EYA3: variants seen among roughly 807,000 people sequenced by gnomAD.
EYA3 encodes the protein EYA transcriptional coactivator and phosphatase 3.
EYA3 carries 39 observed loss-of-function variants against 80.0 expected under a neutral mutation model. The observed-to-expected ratio is 0.49, with a 90% CI of 0.38 to 0.64. The LOEUF (loss-of-function observed/expected upper bound fraction) is 0.64. Among genes scored for constraint, EYA3 ranks in the 30% least tolerant of loss-of-function variants. The pLI, the probability that EYA3 is intolerant of heterozygous loss-of-function variation, is 0.00. For missense variants in EYA3, 523 were observed against 676.1 expected, an observed-to-expected ratio of 0.77 and a Z score of 2.51; for synonymous variants, 206 against 232.8, an observed-to-expected ratio of 0.88 and a Z score of 1.05.
rs1015008523 is a variant in EYA3 at position 28,001,416 on chromosome 1, T to G, written c.994-1367A>C. On this transcript the variant is annotated intron_variant, in intron 11 of 17. Coordinates refer to ENST00000373871, the MANE Select transcript of EYA3 (RefSeq NM_001990.4). ...TGTTTGTTTATAATGTAAAAAACTG[T>G]TTTTCATGAAATAATATTATGTGTA... is the stretch of plus-strand genomic sequence containing the variant. Among the ~76,000 whole-genome samples, 2 of 151,198 alleles carry G rather than the reference T, an allele frequency of 1.3e-5. 1 individual carries two copies. Among genetic ancestry groups the G allele is most frequent in the Non-Finnish European group, 2.9e-5 (2 of 67,850 alleles).
intron 3 of EYA3, among the ~76,000 whole-genome samples, chr1:28,044,349 G>A (rs1254182680): frequency 3.9e-5 from 6 of 152,146 alleles, no homozygotes; most frequent in South Asian, 2.1e-4. Context: ...ATCCGTCAAC[G>A]AGAATAAAAA....
intron 6 of EYA3, among the ~76,000 whole-genome samples, chr1:28,034,666 A>G (rs1412571089): frequency 6.6e-6 from 1 of 152,242 alleles, no homozygotes; most frequent in Non-Finnish European, 1.5e-5. Context: ...AAGAGTAGCC[A>G]AACAGGTCAG....
chr1:28,008,416 C>G (rs1255650252), intron 10 of EYA3, among the ~76,000 whole-genome samples: 1 of 151,536 alleles, frequency 6.6e-6, no homozygotes, highest in East Asian at 1.9e-4. Context: ...AAAGAAACAA[C>G]AAGTATTAGA....
rs74525723 is a variant in EYA3 at position 28,038,439 on chromosome 1, T to TAAAAAAAAAA, written c.224+390_224+399dup. ...CAACAAACAGAGTGAGATTCTATCT[T>TAAAAAAAAAA]AAAAAAAAAAAAAAAAAAAAAAAAA... On this transcript the variant is annotated intron_variant, in intron 5 of 17. Transcript: ENST00000373871. 6.0e-4 allele frequency among the ~76,000 whole-genome samples: 41 copies of TAAAAAAAAAA among 68,498 alleles called. 2 individuals are homozygous for TAAAAAAAAAA. Among genetic ancestry groups the TAAAAAAAAAA allele is most frequent in the African/African-American group, 2.3e-3 (40 of 17,576 alleles). 44.9% of individuals were successfully genotyped at this position (68,498 alleles called of 152,430 possible).
In EYA3 at chr1:27,977,329, G is replaced by A. The variant is rs371692026; in HGVS notation, c.1641+1045C>T. On this transcript the variant is annotated intron_variant, in intron 17 of 17. Transcript: ENST00000373871. Reference sequence around the variant, plus strand: ...AGGTTTCCACTTAACTGGATGAAGAGTATCAGGGCAGTTGGTTCTAGCTGG... The same window carrying A: ...AGGTTTCCACTTAACTGGATGAAGAATATCAGGGCAGTTGGTTCTAGCTGG... The A allele has an allele frequency of 2.2e-4, 341 of 1,550,558 alleles. No homozygotes were observed. In the African/African-American group the frequency reaches 4.1e-3, roughly 19 times the overall value.
intron 4 of EYA3, among the ~76,000 whole-genome samples, chr1:28,041,724 G>C (rs190176671): frequency 1.2e-3 from 189 of 152,114 alleles, no homozygotes; most frequent in Middle Eastern, 6.8e-3. Flanking sequence ...TGCCCAGGCT[G>C]ATCTCAAACT....
intron 16 of EYA3, among the ~76,000 whole-genome samples, chr1:27,982,565 T>C (rs1253765205): frequency 6.6e-6 from 1 of 152,170 alleles, no homozygotes; most frequent in Non-Finnish European, 1.5e-5. Context: ...TACTGTACAT[T>C]TATCTGTCTG....
chr1:28,012,258 A>G (rs969132465), intron 9 of EYA3, among the ~76,000 whole-genome samples: 3 of 152,244 alleles, frequency 2.0e-5, no homozygotes, highest in Admixed American at 6.5e-5. Flanking sequence ...AAATTCTCCA[A>G]TATTCAAAAG....
intron 1 of EYA3, among the ~76,000 whole-genome samples, chr1:28,073,152 A>T (rs866380177): frequency 0.081 from 1,558 of 19,272 alleles, 42 homozygotes; most frequent in Middle Eastern, 0.14. Context: ...TTTTTTTTTT[A>T]GATAGAGTTT....
At chr1:28,040,287 C>T (rs540219967) in intron 4 of EYA3, among the ~76,000 whole-genome samples, 9 of 152,074 alleles carry the variant, frequency 5.9e-5, no homozygotes, top group Admixed American at 1.3e-4. Context: ...AACAACTAGA[C>T]GGAGAGTGAT....
In EYA3 at chr1:28,015,320, T is replaced by G. The variant is rs113148220; in HGVS notation, c.585+1834A>C. 7.6e-3 allele frequency among the ~76,000 whole-genome samples: 1,164 copies of G among 152,316 alleles called. 9 individuals carry two copies. Among genetic ancestry groups the G allele is most frequent in the Middle Eastern group, 0.051 (15 of 294 alleles). Reference sequence around the variant, plus strand: ...AACAAAGGACCTCTGTAGGCCTGAATGATTGGTAAAGCAATAAGACTTGGA... The same window carrying G: ...AACAAAGGACCTCTGTAGGCCTGAAGGATTGGTAAAGCAATAAGACTTGGA... On this transcript the variant is annotated intron_variant, in intron 8 of 17. Coordinates refer to ENST00000373871, the MANE Select transcript of EYA3 (RefSeq NM_001990.4).
chr1:28,014,822 C>T (rs1641939836), intron 8 of EYA3, among the ~76,000 whole-genome samples: 1 of 151,994 alleles, frequency 6.6e-6, no homozygotes, highest in Non-Finnish European at 1.5e-5. Context: ...CAATTTAAAT[C>T]TGTGTAGTTT....
chr1:28,048,903 A>G (rs1644135012), intron 2 of EYA3, among the ~76,000 whole-genome samples: 2 of 152,080 alleles, frequency 1.3e-5, no homozygotes, highest in African/African-American at 4.8e-5. Flanking sequence ...TTAACCCTGT[A>G]TTTTTTCTTT....
intron 10 of EYA3, among the ~76,000 whole-genome samples, chr1:28,006,895 A>G (rs1641314372): frequency 6.6e-6 from 1 of 151,490 alleles, no homozygotes; most frequent in Non-Finnish European, 1.5e-5. Context: ...CCAATTTGGA[A>G]AGGAAGAAGC....
At chr1:28,028,902 G>T (rs575833849) in intron 6 of EYA3, among the ~76,000 whole-genome samples, 3 of 151,480 alleles carry the variant, frequency 2.0e-5, no homozygotes, top group African/African-American at 2.4e-5. Flanking sequence ...CTAATTTTTT[G>T]TAGAGGTGGG....
At chr1:28,014,179 G>A (rs1641880065) in intron 8 of EYA3, among the ~76,000 whole-genome samples, 1 of 152,186 alleles carries the variant, frequency 6.6e-6, no homozygotes, top group South Asian at 2.1e-4. Flanking sequence ...CACTTTGGGA[G>A]GACGAGGTGG....
At chr1:28,038,203 G>A (rs970231694) in intron 5 of EYA3, among the ~76,000 whole-genome samples, 5 of 152,038 alleles carry the variant, frequency 3.3e-5, no homozygotes, top group Non-Finnish European at 7.4e-5. Flanking sequence ...AGCACTTTGC[G>A]AGGTAGGCAG....
At chr1:28,027,963 A>G (rs373187236) in intron 6 of EYA3, 37 bp from the exon 7 acceptor site, 227 of 1,612,704 alleles carry the variant, frequency 1.4e-4, no homozygotes, top group Middle Eastern at 5.0e-4. Flanking sequence ...CAAACAATAC[A>G]CTGGGACTGA....
chr1:27,998,663 C>G (rs546744657), intron 12 of EYA3, among the ~76,000 whole-genome samples: 1 of 149,886 alleles, frequency 6.7e-6, no homozygotes, highest in African/African-American at 2.5e-5. Flanking sequence ...CACTTGAGCT[C>G]AGGAGTTTGA....
Sources: allele counts gnomAD v4.1 joint callset (sites outside exome capture counted in the v4.1 genomes callset), GRCh38; gene constraint gnomAD v4.1.1; transcripts MANE v1.5; gene names NCBI Gene and HGNC (gene_info 2026-07-23, HGNC 2026-07-21).